NBAS: variants seen among roughly 807,000 people sequenced by gnomAD.
The protein encoded by NBAS is NAG/BC035112 fusion.
A neutral mutation model predicts 302.5 loss-of-function variants in NBAS; 219 were observed. The ratio of observed to expected loss-of-function variants is 0.72; its 90% CI spans 0.65 to 0.81. The LOEUF (loss-of-function observed/expected upper bound fraction) is 0.81. Among genes scored for constraint, NBAS ranks in the 30% least tolerant of loss-of-function variants. NBAS has a pLI of 0.00. For synonymous variants in NBAS, 1,118 were observed against 1,021.6 expected, an observed-to-expected ratio of 1.09 and a Z score of -1.80; for missense variants, 2,932 against 2,841.6, an observed-to-expected ratio of 1.03 and a Z score of -0.72.
intron 25 of NBAS, among the ~76,000 whole-genome samples, chr2:15,412,428 C>T (rs1676726256): frequency 6.6e-6 from 1 of 152,194 alleles, no homozygotes; most frequent in Admixed American, 6.5e-5. Flanking sequence ...CCAACCACAG[C>T]TGACGTTTGA....
At chr2:15,284,979 C>T (rs1467390216) in intron 42 of NBAS, among the ~76,000 whole-genome samples, 1 of 152,182 alleles carries the variant, frequency 6.6e-6, no homozygotes, top group African/African-American at 2.4e-5. Flanking sequence ...ATAATATATT[C>T]AGAGACCAAG....
At chr2:14,815,115 T>C in the NBAS span, among the ~76,000 whole-genome samples, 1 of 152,302 alleles carries the variant, frequency 6.6e-6, no homozygotes, top group South Asian at 2.1e-4. Flanking sequence ...TGTGGGTCAT[T>C]TAAACCTTTT....
intron 31 of NBAS, among the ~76,000 whole-genome samples, chr2:15,368,819 C>A (rs1674346440): frequency 6.6e-6 from 1 of 152,180 alleles, no homozygotes; most frequent in African/African-American, 2.4e-5. Context: ...AATTCCACTA[C>A]AGATCTTTCC....
chr2:15,275,880 T>G, intron 43 of NBAS, 62 bp from the exon 44 acceptor site: 1 of 1,417,270 alleles, frequency 7.1e-7, no homozygotes, highest in Non-Finnish European at 9.8e-7. Flanking sequence ...AGAGTCACTT[T>G]CAAACACACA....
the NBAS span, among the ~76,000 whole-genome samples, chr2:15,148,428 T>C: frequency 6.6e-6 from 1 of 152,076 alleles, no homozygotes; most frequent in East Asian, 1.9e-4. Flanking sequence ...CAAGAAAAGC[T>C]TCCGGGAGGA....
At chr2:15,137,279 G>A in the NBAS span, among the ~76,000 whole-genome samples, 1 of 152,298 alleles carries the variant, frequency 6.6e-6, no homozygotes, top group Admixed American at 6.5e-5. Context: ...CAGTGTTAAA[G>A]ACATATTTAG....
At chr2:15,285,027 G>GT (rs1558502652) in intron 42 of NBAS, among the ~76,000 whole-genome samples, 1 of 152,044 alleles carries the variant, frequency 6.6e-6, no homozygotes, top group Non-Finnish European at 1.5e-5. Flanking sequence ...ATCCTTTTAC[G>GT]TAACATTCAA....
At chr2:15,283,086 T>G (rs577441491) in intron 42 of NBAS, among the ~76,000 whole-genome samples, 1 of 152,214 alleles carries the variant, frequency 6.6e-6, no homozygotes, top group Admixed American at 6.5e-5. Context: ...TAAGCTCCAT[T>G]AGGGCAAGGA....
intron 38 of NBAS, among the ~76,000 whole-genome samples, chr2:15,310,140 G>A (rs957518136): frequency 6.6e-6 from 1 of 152,178 alleles, no homozygotes; most frequent in Non-Finnish European, 1.5e-5. Context: ...TACTTAGACT[G>A]ACATTTAAGT....
chr2:15,216,299 G>A (rs965425343), intron 48 of NBAS, among the ~76,000 whole-genome samples: 105 of 152,202 alleles, frequency 6.9e-4, no homozygotes, highest in African/African-American at 2.5e-3. Context: ...GCAGAGAGGC[G>A]AGAAAACAAA....
chr2:15,009,942 A>G, the NBAS span, among the ~76,000 whole-genome samples: 2 of 152,138 alleles, frequency 1.3e-5, no homozygotes, highest in Non-Finnish European at 2.9e-5. Context: ...TCTCTTCTGG[A>G]GAGAGGGAGA....
chr2:15,065,409 G>A, the NBAS span, among the ~76,000 whole-genome samples: 1 of 151,986 alleles, frequency 6.6e-6, no homozygotes, highest in Non-Finnish European at 1.5e-5. Context: ...AGAGCAATTA[G>A]GCAAGAAAAA....
chr2:15,416,679 G>A (rs1389997788), intron 24 of NBAS, among the ~76,000 whole-genome samples: 2 of 151,986 alleles, frequency 1.3e-5, no homozygotes, highest in Middle Eastern at 3.4e-3. Context: ...GGTGGCAGGC[G>A]CCTGTAATCC....
At chr2:15,532,335 A>C (rs1663260406) in intron 9 of NBAS, among the ~76,000 whole-genome samples, 1 of 151,800 alleles carries the variant, frequency 6.6e-6, no homozygotes, top group Admixed American at 6.6e-5. Flanking sequence ...TAAAAATACA[A>C]AAAATTAGCC....
At chr2:14,806,208 T>C in the NBAS span, among the ~76,000 whole-genome samples, 1 of 152,164 alleles carries the variant, frequency 6.6e-6, no homozygotes, top group African/African-American at 2.4e-5. Context: ...GCACTGCTGG[T>C]CCAGGGACCA....
intron 41 of NBAS, among the ~76,000 whole-genome samples, chr2:15,290,190 T>C (rs1305811887): frequency 3.9e-5 from 6 of 151,964 alleles, no homozygotes; most frequent in Non-Finnish European, 8.8e-5. Flanking sequence ...TCACTCTATG[T>C]ACAAGTGAAG....
intron 19 of NBAS, among the ~76,000 whole-genome samples, chr2:15,466,616 G>T (rs142653860): frequency 6.6e-6 from 1 of 152,114 alleles, no homozygotes; most frequent in Non-Finnish European, 1.5e-5. Context: ...GATCAAAGGT[G>T]AATCAACTAA....
At chr2:15,217,192 A>C (rs1666691387) in intron 48 of NBAS, among the ~76,000 whole-genome samples, 1 of 152,238 alleles carries the variant, frequency 6.6e-6, no homozygotes, top group South Asian at 2.1e-4. Flanking sequence ...CAAAATGTTG[A>C]GACTGAACAT....
the NBAS span, among the ~76,000 whole-genome samples, chr2:14,820,278 A>G: frequency 6.6e-6 from 1 of 152,226 alleles, no homozygotes; most frequent in Non-Finnish European, 1.5e-5. Context: ...TTCATCAACA[A>G]ATGAATGGAT....
Sources: allele counts gnomAD v4.1 joint callset (sites outside exome capture counted in the v4.1 genomes callset), GRCh38; gene constraint gnomAD v4.1.1; transcripts MANE v1.5; gene names NCBI Gene and HGNC (gene_info 2026-07-23, HGNC 2026-07-21).